PCDHA1: variants seen among roughly 807,000 people sequenced by gnomAD.
PCDHA1 encodes protocadherin alpha-1.
In PCDHA1, 42 loss-of-function variants were observed where a neutral mutation model predicts 61.3. That is an observed-to-expected ratio of 0.69 (90% CI 0.54 to 0.89). The LOEUF is 0.89. Ranked by LOEUF, PCDHA1 falls within the 40% of genes least tolerant of loss-of-function variation. PCDHA1 has a pLI of 0.00. For missense variants in PCDHA1, 1,256 were observed against 1,235.3 expected (o/e 1.02, Z -0.25); for synonymous variants, 610 against 553.8 (o/e 1.10, Z -1.43).
At chr5:140,847,029 A>T (rs1780820329) in intron 1 of PCDHA1, among the ~76,000 whole-genome samples, 1 of 149,824 alleles carries the variant, frequency 6.7e-6, no homozygotes, top group African/African-American at 2.4e-5. Context: ...TTGGAAAGAG[A>T]AAACATAAGG....
intron 1 of PCDHA1, chr5:140,862,749 G>C: frequency 1.7e-6 from 1 of 579,636 alleles, no homozygotes; most frequent in Non-Finnish European, 3.3e-6. Flanking sequence ...GGGTGCACGC[G>C]GAGAGCGGCA....
chr5:140,870,391 G>A lies in PCDHA1; in HGVS notation c.2394+81707G>A. 1.9e-6 allele frequency: 3 copies of A among 1,614,230 alleles called. No homozygotes were observed. Among genetic ancestry groups the A allele is most frequent in the East Asian group, 2.2e-5 (1 of 44,872 alleles). The stretch of plus-strand genomic sequence containing the variant: ...ACTGGTGGTGACTGCGCGGGATGGG[G>A]GTTCGCCTTCTCTGTGGGCCACGGC... On this transcript the variant is annotated intron_variant, in intron 1 of 3. Transcript: ENST00000504120.
At chr5:140,967,695 T>G in intron 1 of PCDHA1, 1 of 1,614,184 alleles carries the variant, frequency 6.2e-7, no homozygotes, top group Non-Finnish European at 8.5e-7. Flanking sequence ...CTCTTCAGCA[T>G]AGATGCCAGT....
chr5:140,949,074 C>T (rs2094343019), intron 1 of PCDHA1, among the ~76,000 whole-genome samples: 1 of 151,780 alleles, frequency 6.6e-6, no homozygotes, highest in African/African-American at 2.4e-5. Flanking sequence ...AACTCTTTCA[C>T]CCATTTATTA....
At chr5:140,796,540 G>A (rs1554119963) in intron 1 of PCDHA1, 3 of 1,612,922 alleles carry the variant, frequency 1.9e-6, no homozygotes, top group Admixed American at 3.3e-5. Flanking sequence ...GCTGGACCAC[G>A]AGGAAGTGGA....
chr5:140,982,035 A>G (rs950479755), intron 2 of PCDHA1, among the ~76,000 whole-genome samples: 2 of 152,280 alleles, frequency 1.3e-5, no homozygotes, highest in Admixed American at 1.3e-4. Context: ...CAATACTCCA[A>G]TTATCAGAAA....
At chr5:140,897,340 C>G (rs1326802877) in intron 1 of PCDHA1, among the ~76,000 whole-genome samples, 1 of 122,842 alleles carries the variant, frequency 8.1e-6, no homozygotes, top group African/African-American at 3.1e-5. Flanking sequence ...CCCCTCCCCC[C>G]ACCCCACAAC....
At chr5:140,972,906 C>T (rs1554234702) in intron 1 of PCDHA1, among the ~76,000 whole-genome samples, 1 of 152,048 alleles carries the variant, frequency 6.6e-6, no homozygotes, top group African/African-American at 2.4e-5. Context: ...TTGTGATCCA[C>T]CCGCCTTGGC....
intron 1 of PCDHA1, chr5:140,824,729 AGATTAC>A (rs1554130046): frequency 6.7e-6 from 1 of 149,846 alleles, no homozygotes; most frequent in African/African-American, 2.5e-5. Context: ...CGAAGTACTA[AGATTAC>A]AGGATTGAGC....
intron 1 of PCDHA1, chr5:140,808,492 G>A (rs1448615626): frequency 6.2e-7 from 1 of 1,614,188 alleles, no homozygotes; most frequent in Non-Finnish European, 8.5e-7. Flanking sequence ...CGCCTTCGCT[G>A]TGGGCCACGG....
intron 1 of PCDHA1, chr5:140,869,184 G>C: frequency 6.2e-7 from 1 of 1,613,954 alleles, no homozygotes; most frequent in Non-Finnish European, 8.5e-7. Context: ...GGGAGGTGGG[G>C]AGCGGCCAGC....
intron 1 of PCDHA1, chr5:140,822,603 A>G: frequency 6.2e-7 from 1 of 1,611,500 alleles, no homozygotes; most frequent in Non-Finnish European, 8.5e-7. Flanking sequence ...ATAAGGAAAT[A>G]GTGTATTTCT....
At chr5:140,927,092 G>T in intron 1 of PCDHA1, 1 of 1,612,746 alleles carries the variant, frequency 6.2e-7, no homozygotes, top group Non-Finnish European at 8.5e-7. Flanking sequence ...CTCTACTTCG[G>T]GGTGGATCTA....
chr5:140,928,480 G>A, intron 1 of PCDHA1: 2 of 1,614,146 alleles, frequency 1.2e-6, no homozygotes, highest in Non-Finnish European at 1.7e-6. Flanking sequence ...AGGCCGGGAT[G>A]GTGGCATTCC....
intron 1 of PCDHA1, among the ~76,000 whole-genome samples, chr5:140,916,911 GA>G (rs2077779129): frequency 1.3e-5 from 2 of 152,178 alleles, no homozygotes; most frequent in Admixed American, 1.3e-4. Context: ...AGTTTACCTA[GA>G]ACCTCAGAGC....
intron 1 of PCDHA1, chr5:140,969,483 G>C (rs531496681): frequency 1.4e-6 from 2 of 1,462,372 alleles, no homozygotes; most frequent in African/African-American, 1.4e-5. Context: ...ATCATAATCT[G>C]CTATTTCCTC....
chr5:141,009,258 C>A (rs1311772308), intron 3 of PCDHA1, among the ~76,000 whole-genome samples: 1 of 152,086 alleles, frequency 6.6e-6, no homozygotes, highest in Admixed American at 6.6e-5. Flanking sequence ...TGTTTGAGAC[C>A]AGCCTGGGCA....
At position 140,850,002 on chromosome 5, in the gene PCDHA1, T is replaced by G. The variant is rs2150462762; in HGVS notation, c.2394+61318T>G. The G allele has an allele frequency of 2.8e-5, 45 of 1,596,824 alleles. No homozygotes were observed. In the South Asian group the frequency reaches 3.6e-4, roughly 13 times the overall value. The stretch of plus-strand genomic sequence containing the variant: ...GGTGGAGCGGCGGTTGGGCGAGCGC[T>G]CGCTGTCGAGCTACGTGTCAGTGCA... On this transcript the variant is annotated intron_variant, in intron 1 of 3. Coordinates refer to ENST00000504120, the MANE Select transcript of PCDHA1 (RefSeq NM_018900.4).
At chr5:140,956,784 G>T (rs549737881) in intron 1 of PCDHA1, among the ~76,000 whole-genome samples, 373 of 152,090 alleles carry the variant, frequency 2.5e-3, no homozygotes, top group Non-Finnish European at 3.7e-3. Flanking sequence ...CCTGGGCTTT[G>T]TTTGCTTGGT....
Sources: gnomAD v4.1 joint callset for allele counts (sites outside exome capture counted in the v4.1 genomes callset) on GRCh38, gnomAD v4.1.1 for gene constraint, MANE v1.5 for transcripts, NCBI Gene and HGNC (gene_info 2026-07-23, HGNC 2026-07-21) for gene names.